Variants in PAAF1 observed in about 807,000 individuals in gnomAD.
PAAF1 encodes proteasomal ATPase associated factor 1.
In PAAF1, 46 loss-of-function variants were observed where a neutral mutation model predicts 52.8. The ratio of observed to expected loss-of-function variants is 0.87; its 90% CI spans 0.69 to 1.11. PAAF1 has a LOEUF of 1.11. PAAF1 is among the 50% of genes most tolerant of loss of function. The pLI is 0.00. For missense variants in PAAF1, 424 were observed against 477.4 expected, an observed-to-expected ratio of 0.89 and a Z score of 1.04; for synonymous variants, 178 against 172.8, an observed-to-expected ratio of 1.03 and a Z score of -0.24.
intron 4 of PAAF1, among the ~76,000 whole-genome samples, chr11:73,893,019 A>G (rs1949240453): frequency 6.6e-6 from 1 of 152,190 alleles, no homozygotes; most frequent in Non-Finnish European, 1.5e-5. Flanking sequence ...CTTTCAATGT[A>G]TCCTTCTAAG....
In PAAF1 at chr11:73,909,488, T is replaced by C. The variant is rs753665283; in HGVS notation, c.622T>C (p.Ser208Pro). The change falls in exon 7 of 12, where the codon TCA becomes CCA. Residue 208 changes from serine to proline, a missense_variant. Transcript: ENST00000310571. ...AGCACGACTTTGGGATTGTGGGCGC[T>C]CAGCCTGCTTGGGAGTCCTTGCAGA... Reference protein sequence around the residue: ...GTARLWDCGRSACLGVLADCG... With the variant: ...GTARLWDCGRPACLGVLADCG... 1.2e-6 allele frequency: 2 copies of C among 1,614,210 alleles called. No homozygotes were observed. Among genetic ancestry groups the C allele is most frequent in the African/African-American group, 2.7e-5 (2 of 75,040 alleles).
At chr11:73,890,901 A>C (rs1949181041) in intron 3 of PAAF1, among the ~76,000 whole-genome samples, 1 of 152,212 alleles carries the variant, frequency 6.6e-6, no homozygotes, top group Admixed American at 6.5e-5. Context: ...GCATCTTAGC[A>C]ATACCAAATT....
intron 6 of PAAF1, among the ~76,000 whole-genome samples, chr11:73,903,785 A>C (rs916530788): frequency 6.6e-6 from 1 of 151,078 alleles, no homozygotes; most frequent in Non-Finnish European, 1.5e-5. Context: ...ATATAAAAAG[A>C]AACATTAAAA....
At chr11:73,887,139 C>T (rs2511260) in intron 2 of PAAF1, 5 of 500,316 alleles carry the variant, frequency 1.0e-5, no homozygotes, top group African/African-American at 5.8e-5. Flanking sequence ...AATTACCCAG[C>T]CTCAGGTATT....
chr11:73,889,294 C>A, intron 3 of PAAF1: 1 of 1,138,646 alleles, frequency 8.8e-7, no homozygotes, highest in South Asian at 2.8e-5. Context: ...TGCCATGAGT[C>A]ACTTTGCTAA....
chr11:73,907,504 G>T (rs532838816), intron 6 of PAAF1, among the ~76,000 whole-genome samples: 1 of 152,168 alleles, frequency 6.6e-6, no homozygotes, highest in South Asian at 2.1e-4. Flanking sequence ...TTCTAGTGGC[G>T]TTATAAGCTT....
At chr11:73,886,672 C>CAAAA (rs55697916) in intron 2 of PAAF1, among the ~76,000 whole-genome samples, 2 of 34,274 alleles carry the variant, frequency 5.8e-5, no homozygotes, top group East Asian at 6.4e-4. Flanking sequence ...GACTCCATCT[C>CAAAA]AAAAAAAAAA....
intron 10 of PAAF1, among the ~76,000 whole-genome samples, chr11:73,923,784 ATT>A (rs1279487251): frequency 3.9e-5 from 6 of 152,070 alleles, no homozygotes; most frequent in Non-Finnish European, 8.8e-5. Context: ...CCTATGATTC[ATT>A]TGTTTCATTT....
Position 73,927,730 on chromosome 11 carries a change from G to A in PAAF1, c.*368G>A, listed in dbSNP as rs1950401516. 4.9e-6 allele frequency: 1 copy of A among 202,992 alleles called. No homozygotes were observed. Among genetic ancestry groups the A allele is most frequent in the African/African-American group, 2.3e-5 (1 of 43,062 alleles). The allele number at this position is 202,992 out of a possible 1,614,324, so 12.6% of individuals were successfully genotyped here. A position where few individuals can be genotyped will look rare whatever the true frequency, so the allele number is the denominator to read the frequency against. ...AAATAAAGAAAATATGTTTGGAGGT[G>A]CCTGAATATGAAGAACTTTGTTAAA... is the stretch of plus-strand genomic sequence containing the variant. On this transcript the variant is annotated 3_prime_UTR_variant, in exon 12 of 12. Coordinates refer to ENST00000310571, the MANE Select transcript of PAAF1 (RefSeq NM_025155.3).
intron 7 of PAAF1, among the ~76,000 whole-genome samples, chr11:73,912,017 C>G (rs1216253266): frequency 6.6e-6 from 1 of 151,948 alleles, no homozygotes; most frequent in East Asian, 1.9e-4. Context: ...ATAGTAAACC[C>G]TCTCCTCAAA....
At chr11:73,916,719 CT>C in intron 9 of PAAF1, 59 bp downstream of exon 9, 1 of 1,200,068 alleles carries the variant, frequency 8.3e-7, no homozygotes, top group Non-Finnish European at 1.2e-6. Flanking sequence ...TTTTTATTGG[CT>C]TTAACATTGA....
At chr11:73,889,040 A>G (rs909306189) in intron 3 of PAAF1, 1 of 620,120 alleles carries the variant, frequency 1.6e-6, no homozygotes, top group African/African-American at 1.8e-5. Flanking sequence ...AAATAATCAA[A>G]GACAGACTGT....
Position 73,877,059 on chromosome 11 carries a change from A to G in PAAF1, c.38A>G (p.Gln13Arg). 1 of 1,538,886 alleles carries G rather than the reference A, an allele frequency of 6.5e-7. No individual in the cohort carries two copies. The highest frequency in any genetic ancestry group is 8.8e-7 in the Non-Finnish European group (1 of 1,140,416). ...TTGAGGATTCAGAGCGACTGGGCGCAAGCCCTCAGGTGAATCCAGGCCCAG... is the reference window on the plus strand; with the variant it reads ...TTGAGGATTCAGAGCGACTGGGCGCGAGCCCTCAGGTGAATCCAGGCCCAG... ...APLRIQSDWAQALRKDEGEAW... is the reference protein window; with the variant it reads ...APLRIQSDWARALRKDEGEAW... The change falls in exon 1 of 12, where the codon CAA (glutamine) becomes CGA (arginine). Residue 13 changes from glutamine (Q) to arginine (R), a missense_variant. Gln to Arg is a conservative substitution (Grantham distance 43, BLOSUM62 1). Coordinates refer to ENST00000310571, the MANE Select transcript of PAAF1 (RefSeq NM_025155.3).
chr11:73,886,404 G>T (rs1404263705), intron 2 of PAAF1, among the ~76,000 whole-genome samples: 2 of 152,018 alleles, frequency 1.3e-5, no homozygotes, highest in South Asian at 2.1e-4. Flanking sequence ...GGCCAGGCGC[G>T]GTGGCTCACG....
intron 4 of PAAF1, among the ~76,000 whole-genome samples, chr11:73,897,810 C>T (rs1405355907): frequency 6.6e-6 from 1 of 152,134 alleles, no homozygotes; most frequent in Non-Finnish European, 1.5e-5. Flanking sequence ...AATCTCGGCA[C>T]TTTGGGAGGC....
chr11:73,885,614 G>T (rs1013514767), intron 2 of PAAF1, among the ~76,000 whole-genome samples: 1 of 151,362 alleles, frequency 6.6e-6, no homozygotes, highest in African/African-American at 2.4e-5. Context: ...GGTTGAGGTG[G>T]GTGGATCACC....
chr11:73,915,908 ATC>A (rs1950049177), intron 8 of PAAF1, among the ~76,000 whole-genome samples: 2 of 152,150 alleles, frequency 1.3e-5, no homozygotes, highest in South Asian at 4.1e-4. Context: ...TTTTGCTAAT[ATC>A]GCCTTTGTAC....
intron 2 of PAAF1, chr11:73,880,826 C>T (rs186950270): frequency 6.6e-6 from 1 of 151,218 alleles, no homozygotes; most frequent in African/African-American, 2.4e-5. Flanking sequence ...TGGTGAAGCC[C>T]TGTTTCTACT....
At chr11:73,897,585 A>G (rs1484978472) in intron 4 of PAAF1, among the ~76,000 whole-genome samples, 2 of 126,034 alleles carry the variant, frequency 1.6e-5, no homozygotes, top group African/African-American at 3.1e-5. Flanking sequence ...CCCAGATGTG[A>G]TGGCGGCCGG....
Sources: allele counts gnomAD v4.1 joint callset (sites outside exome capture counted in the v4.1 genomes callset), GRCh38; gene constraint gnomAD v4.1.1; transcripts MANE v1.5; gene names NCBI Gene and HGNC (gene_info 2026-07-23, HGNC 2026-07-21).